Variants in FHDC1 observed in about 807,000 individuals in gnomAD.
FHDC1 encodes the protein FH2 domain-containing protein 1.
A neutral mutation model predicts 52.6 loss-of-function variants in FHDC1; 25 were observed. The ratio of observed to expected loss-of-function variants is 0.48; its 90% CI spans 0.35 to 0.66. The LOEUF (loss-of-function observed/expected upper bound fraction) is 0.66, where lower values mean the gene tolerates loss of function less well. FHDC1 is among the 30% of genes least tolerant of loss of function. The pLI, the probability that FHDC1 is intolerant of heterozygous loss-of-function variation, is 0.01. For missense variants in FHDC1, 1,459 were observed against 1,452.8 expected (o/e 1.00, Z -0.07); for synonymous variants, 616 against 581.5 (o/e 1.06, Z -0.85).
the FHDC1 span, among the ~76,000 whole-genome samples, chr4:152,921,078 T>A: frequency 6.6e-6 from 1 of 152,080 alleles, no homozygotes; most frequent in Non-Finnish European, 1.5e-5. Context: ...TTATTTCTCA[T>A]ATAAAATTAT....
chr4:152,945,847 T>G (rs1739715629), intron 2 of FHDC1, among the ~76,000 whole-genome samples: 1 of 152,228 alleles, frequency 6.6e-6, no homozygotes, highest in East Asian at 1.9e-4. Flanking sequence ...CTTTTCGTGC[T>G]GCGGAACTGA....
At chr4:152,938,696 C>G (rs1739488745) in intron 1 of FHDC1, among the ~76,000 whole-genome samples, 1 of 152,214 alleles carries the variant, frequency 6.6e-6, no homozygotes, top group African/African-American at 2.4e-5. Context: ...CTGCCCCCAC[C>G]TCTTCTGTGG....
Position 152,964,874 on chromosome 4 carries a change from A to G in FHDC1, c.1030-31A>G, listed in dbSNP as rs371070420. On this transcript the variant is annotated intron_variant, in intron 8 of 11. Transcript: ENST00000511601. ...ATTATTTCCTTCCAGTTTTATCAACATAGTGAGATAAAATTCTGTTTTTGT... is the reference window on the plus strand; with the variant it reads ...ATTATTTCCTTCCAGTTTTATCAACGTAGTGAGATAAAATTCTGTTTTTGT... The G allele has an allele frequency of 1.4e-5, 21 of 1,553,718 alleles. No homozygotes were observed. In the African/African-American group the frequency reaches 1.5e-4, roughly 11 times the overall value.
At chr4:152,967,922 C>A in intron 9 of FHDC1, 58 bp from the exon 10 acceptor site, 1 of 1,274,818 alleles carries the variant, frequency 7.8e-7, no homozygotes, top group Non-Finnish European at 1.1e-6. Context: ...ATTTAATATA[C>A]CTACATGACA....
rs1436851865 is a variant in FHDC1 at position 152,975,962 on chromosome 4, G to A, written c.2671G>A (p.Val891Met). 2.0e-6 allele frequency: 3 copies of A among 1,522,274 alleles called. No homozygotes were observed. In the African/African-American group the frequency reaches 4.2e-5, roughly 21 times the overall value. The allele number at this position is 1,522,274 out of a possible 1,614,324, so 94.3% of individuals were successfully genotyped here. A position where few individuals can be genotyped will look rare whatever the true frequency, so the allele number is the denominator to read the frequency against. Residue 891 changes from valine (V) to methionine (M), a missense_variant, in exon 12 of 12, where the codon GTG becomes ATG. By Grantham distance (21) the Val-to-Met change is conservative. Coordinates refer to ENST00000511601, the MANE Select transcript of FHDC1 (RefSeq NM_001371116.1). The part of the protein sequence containing the change: ...RRSQGAVAKS[V>M]RTLTASENES... ...GAGCCAGGGGGCAGTGGCCAAGTCTGTGCGGACCCTGACCGCCTCAGAGAA... is the reference window on the plus strand; with the variant it reads ...GAGCCAGGGGGCAGTGGCCAAGTCTATGCGGACCCTGACCGCCTCAGAGAA...
chr4:152,917,613 A>G, the FHDC1 span, among the ~76,000 whole-genome samples: 1 of 152,174 alleles, frequency 6.6e-6, no homozygotes, highest in Non-Finnish European at 1.5e-5. Flanking sequence ...AGGCCAGGCA[A>G]TGTTTGGAGA....
the FHDC1 span, among the ~76,000 whole-genome samples, chr4:152,924,113 C>A: frequency 2.0e-5 from 3 of 151,760 alleles, no homozygotes; most frequent in African/African-American, 7.3e-5. Context: ...ACTCATCTGA[C>A]AAAGGGCTAA....
rs1739629792 is a variant in FHDC1, at chr4:152,943,270, C to T, written c.213C>T (p.Pro71=). 1.9e-6 allele frequency: 3 copies of T among 1,596,504 alleles called. No homozygotes were observed. The highest frequency in any genetic ancestry group is 2.6e-6 in the Non-Finnish European group (3 of 1,166,358). ...PPPPPLPGEP[P]IPPPPPGLPP... Reference sequence around the variant, plus strand: ...CACCTCCACTTCCTGGGGAGCCTCCCATCCCACCTCCCCCACCAGGCCTAC... The same window carrying T: ...CACCTCCACTTCCTGGGGAGCCTCCTATCCCACCTCCCCCACCAGGCCTAC... Residue 71 remains proline, a synonymous_variant, in exon 2 of 12, where the codon CCC becomes CCT. Transcript: ENST00000511601.
chr4:152,958,257 T>A (rs1202625751), intron 4 of FHDC1, among the ~76,000 whole-genome samples: 1 of 152,028 alleles, frequency 6.6e-6, no homozygotes, highest in Admixed American at 6.6e-5. Flanking sequence ...CCATAATGAG[T>A]GTCTCTTGGC....
intron 9 of FHDC1, among the ~76,000 whole-genome samples, chr4:152,965,350 A>G (rs1237354332): frequency 6.6e-6 from 1 of 152,214 alleles, no homozygotes; most frequent in Non-Finnish European, 1.5e-5. Flanking sequence ...GTTTCCTTGT[A>G]GAATCTAACA....
the FHDC1 span, chr4:152,927,443 G>A: frequency 2.1e-5 from 17 of 799,612 alleles, no homozygotes; most frequent in Admixed American, 1.2e-4. Flanking sequence ...TGGTTGTTTC[G>A]TTATGGATGG....
intron 11 of FHDC1, among the ~76,000 whole-genome samples, chr4:152,972,898 C>T (rs545600150): frequency 3.1e-4 from 47 of 152,324 alleles, no homozygotes; most frequent in African/African-American, 1.0e-3. Flanking sequence ...CTTTCTCTCC[C>T]GCTCCCAGAA....
Position 152,976,633 on chromosome 4 carries a change from G to A in FHDC1, c.3342G>A (p.Lys1114=), listed in dbSNP as rs1443828797. 2 of 1,603,498 alleles carry A rather than the reference G, an allele frequency of 1.2e-6. No homozygotes were observed. Among genetic ancestry groups the A allele is most frequent in the Middle Eastern group, 1.7e-4 (1 of 5,866 alleles). Residue 1114 remains lysine, a synonymous_variant, in exon 12 of 12, where the codon AAG becomes AAA. Transcript: ENST00000511601. ...GTGCCAACACGGAGGCCCCTCTGAA[G>A]GCCAGAGGGGCTGGGGAAAGGGCCT... is the stretch of plus-strand genomic sequence containing the variant. ...GPSANTEAPL[K]ARGAGERASL...
chr4:152,933,479 A>C (rs539862138), upstream of FHDC1, among the ~76,000 whole-genome samples: 1 of 152,240 alleles, frequency 6.6e-6, no homozygotes, highest in African/African-American at 2.4e-5. Context: ...TTACATATGT[A>C]ATCCCAGCAC....
rs1739640889 is a variant in FHDC1 at position 152,943,547 on chromosome 4, C to A, written c.490C>A (p.Arg164=). 3 of 1,610,750 alleles carry A rather than the reference C, an allele frequency of 1.9e-6. No individual in the cohort carries two copies. In the South Asian group the frequency reaches 3.3e-5, roughly 18 times the overall value. The change falls in exon 2 of 12, where the codon CGA becomes AGA. Residue 164 remains arginine (R), a synonymous_variant. Transcript: ENST00000511601. ...RTLNSSFREA[R]EEITILDAKR... is the part of the protein sequence containing the mutation. The stretch of plus-strand genomic sequence containing the variant: ...TTTAAATTCATCCTTCAGAGAAGCT[C>A]GAGAAGAGGTAAGAATGCAAGGTGG...
rs184278950 is a variant in FHDC1, at chr4:152,978,756, C to T, written c.*2033C>T. On this transcript the variant is annotated 3_prime_UTR_variant, in exon 12 of 12. Coordinates refer to ENST00000511601, the MANE Select transcript of FHDC1 (RefSeq NM_001371116.1). ...CAAATATGATGCGTTTGTGGGGAAT[C>T]CACGTGGTTGACGTTAGAACCTCCC... 38 of 152,198 alleles carry T rather than the reference C, an allele frequency of 2.5e-4. No homozygotes were observed. The highest frequency in any genetic ancestry group is 9.2e-4 in the African/African-American group (38 of 41,524). 9.4% of individuals were successfully genotyped at this position (152,198 alleles called of 1,614,324 possible).
At chr4:152,929,272 G>T in the FHDC1 span, among the ~76,000 whole-genome samples, 3 of 152,152 alleles carry the variant, frequency 2.0e-5, no homozygotes, top group Non-Finnish European at 4.4e-5. The surrounding 1 kb of genome is among the most constrained non-coding windows in gnomAD (Gnocchi z 4.1). Context: ...ACATGTGAGA[G>T]GGGGCATAGA....
At chr4:152,928,282 T>C in the FHDC1 span, 1 of 591,016 alleles carries the variant, frequency 1.7e-6, no homozygotes, top group Non-Finnish European at 3.0e-6. Context: ...ACAGGCATTA[T>C]GTCCCTCAAA....
intron 8 of FHDC1, among the ~76,000 whole-genome samples, chr4:152,963,509 T>C (rs2149953686): frequency 6.6e-6 from 1 of 152,148 alleles, no homozygotes; most frequent in African/African-American, 2.4e-5. Flanking sequence ...GGAGGCTGGG[T>C]TAGAGTAGAG....
Sources: allele counts gnomAD v4.1 joint callset (sites outside exome capture counted in the v4.1 genomes callset), GRCh38; gene constraint gnomAD v4.1.1; non-coding constraint Gnocchi (gnomAD v3.1); transcripts MANE v1.5; gene names NCBI Gene and HGNC (gene_info 2026-07-23, HGNC 2026-07-21).